Variants in NOLC1 observed in about 807,000 individuals in gnomAD.
NOLC1 encodes the protein 140 kDa nucleolar phosphoprotein.
In NOLC1, 37 loss-of-function variants were observed where a neutral mutation model predicts 73.4. The ratio of observed to expected loss-of-function variants is 0.50; its 90% CI spans 0.39 to 0.66. The LOEUF (loss-of-function observed/expected upper bound fraction) is 0.66, where lower values mean the gene tolerates loss of function less well. Among genes scored for constraint, NOLC1 ranks in the 30% least tolerant of loss-of-function variants. The pLI is 0.00. For missense variants in NOLC1, 921 were observed against 838.9 expected, an observed-to-expected ratio of 1.10 and a Z score of -1.21; for synonymous variants, 327 against 302.6, an observed-to-expected ratio of 1.08 and a Z score of -0.84.
intron 10 of NOLC1, 25 bp downstream of exon 10, chr10:102,161,118 C>T (rs189032554): frequency 4.4e-4 from 693 of 1,569,012 alleles, no homozygotes; most frequent in Non-Finnish European, 5.7e-4. Context: ...AACATGCCCT[C>T]TGGGTTTTGT....
intron 1 of NOLC1, among the ~76,000 whole-genome samples, chr10:102,153,317 T>G (rs1453265739): frequency 6.6e-6 from 1 of 152,238 alleles, no homozygotes; most frequent in Non-Finnish European, 1.5e-5. Context: ...GTACCATAGT[T>G]ATGGCAATTT....
At position 102,159,467 on chromosome 10, in the gene NOLC1, C is replaced by T; in HGVS notation, c.758C>T (p.Pro253Leu). The T allele has an allele frequency of 6.2e-7, 1 of 1,614,140 alleles. No homozygotes were observed. Among genetic ancestry groups the T allele is most frequent in the Non-Finnish European group, 8.5e-7 (1 of 1,180,032 alleles). Residue 253 changes from proline to leucine, a missense_variant, in exon 7 of 13, where the codon CCA becomes CTA. Coordinates refer to ENST00000605788, the MANE Select transcript of NOLC1 (RefSeq NM_004741.5). Reference protein sequence around the residue: ...VPKKQVVAKAPVKAATTPTRK... With the variant: ...VPKKQVVAKALVKAATTPTRK... ...AAAAAGCAAGTTGTGGCCAAGGCCC[C>T]AGTGAAAGCAGCTACCACCCCTACC... is the stretch of plus-strand genomic sequence containing the variant.
intron 1 of NOLC1, among the ~76,000 whole-genome samples, chr10:102,153,797 C>G (rs1311155754): frequency 6.6e-6 from 1 of 151,552 alleles, no homozygotes; most frequent in African/African-American, 2.4e-5. Context: ...CTCAGCCTCC[C>G]CAGTAGCTGG....
rs2069693422 is a variant in NOLC1 at position 102,160,776 on chromosome 10, G to C, written c.1424G>C (p.Ser475Thr). ...GSRDSSSDSD[S>T]SSSEEEEEKT... ...AGGGACAGCAGCTCTGATTCAGACA[G>C]CTCCAGCAGTGAGGAGGAGGAAGAG... The change falls in exon 10 of 13, where the codon AGC (serine) becomes ACC (threonine). Residue 475 changes from serine (S) to threonine (T), a missense_variant. Physicochemically the swap from Ser to Thr is moderately conservative, Grantham distance 58. Coordinates refer to ENST00000605788, the MANE Select transcript of NOLC1 (RefSeq NM_004741.5). The C allele has an allele frequency of 6.2e-7, 1 of 1,614,142 alleles. No homozygotes were observed. The highest frequency in any genetic ancestry group is 1.3e-5 in the African/African-American group (1 of 74,948).
At chr10:102,159,658 G>A (rs2069666540) in intron 7 of NOLC1, 90 bp downstream of exon 7, 102 of 1,348,588 alleles carry the variant, frequency 7.6e-5, no homozygotes, top group South Asian at 3.0e-4. Flanking sequence ...GTGCATGAGC[G>A]TCCTCATGAC....
In NOLC1 at chr10:102,159,976, G is replaced by T; in HGVS notation, c.940G>T (p.Glu314Ter). 6.2e-7 allele frequency: 1 copy of T among 1,612,028 alleles called. No homozygotes were observed. Among genetic ancestry groups the T allele is most frequent in the Non-Finnish European group, 8.5e-7 (1 of 1,179,048 alleles). The change falls in exon 8 of 13, where the codon GAG becomes TAG. Residue 314 changes from glutamate to a stop codon, truncating the protein, a stop_gained. Coordinates refer to ENST00000605788, the MANE Select transcript of NOLC1 (RefSeq NM_004741.5). LOFTEE classifies it high-confidence loss of function. ...AACCCAGCCTCCCAAGAAGGCTGTG[G>T]AGAAGCAGCAGCCTGTGGAAAGCAG... Reference protein sequence around the residue: ...LGTQPPKKAVEKQQPVESSED... With the variant: ...LGTQPPKKAV
chr10:102,162,327 G>A lies in NOLC1; in HGVS notation c.*58G>A, dbSNP rs2069727809. 1.9e-6 allele frequency: 3 copies of A among 1,578,206 alleles called. No individual in the cohort carries two copies. The highest frequency in any genetic ancestry group is 2.6e-6 in the Non-Finnish European group (3 of 1,158,122). The stretch of plus-strand genomic sequence containing the variant: ...GATCGGAGACTACTTACTTTCTCCA[G>A]TGGACCTGGGAACCCTCAGGTCTCT... On this transcript the variant is annotated 3_prime_UTR_variant, in exon 13 of 13. Coordinates refer to ENST00000605788, the MANE Select transcript of NOLC1 (RefSeq NM_004741.5).
In NOLC1 at chr10:102,162,389, G is replaced by C; in HGVS notation, c.*120G>C. ...TTGATGAGGACAGAAGTTTAGAGTA[G>C]GTCCTAAGACTTTACAGTGTAACAT... On this transcript the variant is annotated 3_prime_UTR_variant, in exon 13 of 13. Transcript: ENST00000605788. The C allele has an allele frequency of 9.5e-7, 1 of 1,050,410 alleles. No homozygotes were observed. Among genetic ancestry groups the C allele is most frequent in the Non-Finnish European group, 1.4e-6 (1 of 715,480 alleles). The allele number at this position is 1,050,410 out of a possible 1,614,324, so 65.1% of individuals were successfully genotyped here. A position where few individuals can be genotyped will look rare whatever the true frequency, so the allele number is the denominator to read the frequency against.
chr10:102,161,888 T>G lies in NOLC1; in HGVS notation c.1904T>G (p.Val635Gly), dbSNP rs1192990658. ...FRRVREEEIE[V>G]DSRVADNSFD... ...AGGGTCAGGGAGGAGGAAATTGAGGTGGATTCACGAGTTGCGGACAACTCC... is the reference window on the plus strand; with the variant it reads ...AGGGTCAGGGAGGAGGAAATTGAGGGGGATTCACGAGTTGCGGACAACTCC... The change falls in exon 12 of 13, where the codon GTG (valine) becomes GGG (glycine). Residue 635 changes from valine to glycine, a missense_variant. By Grantham distance (109) the Val-to-Gly change is moderately radical (BLOSUM62 -3). Transcript: ENST00000605788. The G allele has an allele frequency of 4.3e-6, 7 of 1,614,024 alleles. No homozygotes were observed. The highest frequency in any genetic ancestry group is 5.9e-6 in the Non-Finnish European group (7 of 1,180,004).
Position 102,162,049 on chromosome 10 carries a change from A to G in NOLC1, c.1942-62A>G, listed in dbSNP as rs532805956. ...GTTTCCTTGAGCAGGGAGTAGAAAG[A>G]ATAAAGTGACAGGGCTCCAGCATGG... On this transcript the variant is annotated intron_variant, in intron 12 of 12. Transcript: ENST00000605788. 1.7e-5 allele frequency: 28 copies of G among 1,605,338 alleles called. 1 individual carries two copies. In the East Asian group the frequency reaches 5.1e-4, roughly 29 times the overall value.
intron 1 of NOLC1, among the ~76,000 whole-genome samples, chr10:102,155,391 AAAG>A (rs1323735324): frequency 2.0e-5 from 3 of 151,796 alleles, no homozygotes; most frequent in Non-Finnish European, 4.4e-5. Context: ...AAAAAAAAAA[AAAG>A]AGAGAGAGAG....
At position 102,159,932 on chromosome 10, in the gene NOLC1, C is replaced by A. The variant is rs148574895; in HGVS notation, c.896C>A (p.Pro299Gln). The change falls in exon 8 of 13, where the codon CCA becomes CAA. Residue 299 changes from proline to glutamine, a missense_variant. Coordinates refer to ENST00000605788, the MANE Select transcript of NOLC1 (RefSeq NM_004741.5). ...YSSVPPPSAP[P>Q]PKKSLGTQPP... ...TCAGTCCCCCCGCCTTCTGCTCCCC[C>A]ACCAAAGAAGTCTCTGGGAACCCAG... The A allele has an allele frequency of 7.5e-6, 12 of 1,608,558 alleles. No individual in the cohort carries two copies. In the African/African-American group the frequency reaches 9.4e-5, roughly 13 times the overall value.
At chr10:102,157,161 T>G in intron 2 of NOLC1, 28 bp from the exon 3 acceptor site, 2 of 1,613,840 alleles carry the variant, frequency 1.2e-6, no homozygotes, top group Non-Finnish European at 1.7e-6. Flanking sequence ...TCCAGTCCCC[T>G]AGAAATTGGT....
Position 102,160,677 on chromosome 10 carries a change from T to C in NOLC1, c.1325T>C (p.Val442Ala). 6.2e-7 allele frequency: 1 copy of C among 1,613,958 alleles called. No homozygotes were observed. The highest frequency in any genetic ancestry group is 8.5e-7 in the Non-Finnish European group (1 of 1,179,984). ...SSEEEKTKKM[V>A]ATTKPKATAK... ...GAGGAGGAGAAGACAAAGAAGATGG[T>C]GGCCACCACTAAGCCCAAGGCGACT... The change falls in exon 10 of 13, where the codon GTG becomes GCG. Residue 442 changes from valine (V) to alanine (A), a missense_variant. By Grantham distance (64) the Val-to-Ala change is moderately conservative. Coordinates refer to ENST00000605788, the MANE Select transcript of NOLC1 (RefSeq NM_004741.5).
chr10:102,157,041 C>T lies in NOLC1; in HGVS notation c.143C>T (p.Ser48Phe). Residue 48 changes from serine (S) to phenylalanine (F), a missense_variant, in exon 2 of 13, where the codon TCT (serine) becomes TTT (phenylalanine). By Grantham distance (155) the Ser-to-Phe change is radical. Coordinates refer to ENST00000605788, the MANE Select transcript of NOLC1 (RefSeq NM_004741.5). Reference protein sequence around the residue: ...TGATQQDANASSLLDIYSFWL... With the variant: ...TGATQQDANAFSLLDIYSFWL... ...CAGACACAGCAGGATGCCAATGCCTCTTCCCTCTTAGACATCTATAGCTTC... is the reference window on the plus strand; with the variant it reads ...CAGACACAGCAGGATGCCAATGCCTTTTCCCTCTTAGACATCTATAGCTTC... The T allele has an allele frequency of 3.1e-6, 5 of 1,614,216 alleles. No homozygotes were observed. Among genetic ancestry groups the T allele is most frequent in the Non-Finnish European group, 4.2e-6 (5 of 1,180,026 alleles).
rs539447015 is a variant in NOLC1, at chr10:102,163,441, G to A, written c.*1172G>A. On this transcript the variant is annotated 3_prime_UTR_variant, in exon 13 of 13. Transcript: ENST00000605788. ...TGTGTCTCCTAGTTGGTACCTGGGA[G>A]CAATTGACATGCCCCCTTCAGAACC... The A allele has an allele frequency of 6.6e-6, 1 of 152,182 alleles. No homozygotes were observed. Among genetic ancestry groups the A allele is most frequent in the African/African-American group, 2.4e-5 (1 of 41,438 alleles). 9.4% of individuals were successfully genotyped at this position (152,182 alleles called of 1,614,324 possible).
intron 2 of NOLC1, 32 bp downstream of exon 2, chr10:102,157,106 T>G: frequency 3.1e-6 from 5 of 1,614,122 alleles, no homozygotes; most frequent in Non-Finnish European, 4.2e-6. Context: ...TTGGCTATTT[T>G]CTCCCCCAAG....
Position 102,161,805 on chromosome 10 carries a change from T to C in NOLC1, c.1849-28T>C, listed in dbSNP as rs764517258. ...AGAACTGTTACATGACCACTCTGTC[T>C]TTAATTTCCTACTTCATTCTTCTGT... On this transcript the variant is annotated intron_variant, in intron 11 of 12. Coordinates refer to ENST00000605788, the MANE Select transcript of NOLC1 (RefSeq NM_004741.5). 5 of 1,607,570 alleles carry C rather than the reference T, an allele frequency of 3.1e-6. No homozygotes were observed. In the South Asian group the frequency reaches 5.5e-5, roughly 18 times the overall value.
At chr10:102,154,069 ATTT>A (rs58538934) in intron 1 of NOLC1, among the ~76,000 whole-genome samples, 14 of 116,422 alleles carry the variant, frequency 1.2e-4, no homozygotes, top group African/African-American at 1.1e-4. Context: ...CATGCATTTA[ATTT>A]TTTTTTTTTT....
Sources: allele counts gnomAD v4.1 joint callset (sites outside exome capture counted in the v4.1 genomes callset), GRCh38; gene constraint gnomAD v4.1.1; transcripts MANE v1.5; gene names NCBI Gene and HGNC (gene_info 2026-07-23, HGNC 2026-07-21).